The following CTNNA2 variants were observed in gnomAD, a reference collection of about 807,000 sequenced individuals.
CTNNA2 encodes catenin alpha-2.
In CTNNA2, 42 loss-of-function variants were observed where a neutral mutation model predicts 101.0. The observed-to-expected ratio is 0.42, with a 90% confidence interval of 0.32 to 0.54. The LOEUF (loss-of-function observed/expected upper bound fraction) is 0.54, where lower values mean the gene tolerates loss of function less well. Ranked by LOEUF, CTNNA2 falls within the 20% of genes least tolerant of loss-of-function variation. The probability of loss-of-function intolerance (pLI) is 0.14; values close to 1 mark genes in which losing one functional copy is unlikely to be tolerated. For missense variants in CTNNA2, 871 were observed against 1,223.1 expected, an observed-to-expected ratio of 0.71 and a Z score of 4.29; for synonymous variants, 450 against 456.4, an observed-to-expected ratio of 0.99 and a Z score of 0.18.
intron 6 of CTNNA2, among the ~76,000 whole-genome samples, chr2:79,895,616 T>G: frequency 6.6e-6 from 1 of 151,588 alleles, no homozygotes; most frequent in South Asian, 2.1e-4. Flanking sequence ...GTATTAAACT[T>G]AAAAAAAATT....
At chr2:80,068,879 T>C (rs1698149716) in intron 7 of CTNNA2, among the ~76,000 whole-genome samples, 1 of 152,146 alleles carries the variant, frequency 6.6e-6, no homozygotes, top group African/African-American at 2.4e-5. Flanking sequence ...GCGTGGTCCA[T>C]GGATGGATGA....
intron 1 of CTNNA2, among the ~76,000 whole-genome samples, chr2:79,562,114 A>T (rs1200051962): frequency 6.6e-6 from 1 of 151,746 alleles, no homozygotes; most frequent in East Asian, 1.9e-4. Context: ...TAGATTTTTG[A>T]TCAATTTTTA....
rs572261709 is a variant in CTNNA2 at position 80,472,561 on chromosome 2, C to T, written c.1290+52960C>T. Among the ~76,000 whole-genome samples, 4 of 152,282 alleles carry T rather than the reference C, an allele frequency of 2.6e-5. No individual in the cohort carries two copies. The South Asian group carries it at 8.3e-4, about 32-fold the overall frequency. On this transcript the variant is annotated intron_variant, in intron 9 of 18. Coordinates refer to ENST00000402739, the MANE Select transcript of CTNNA2 (RefSeq NM_001282597.3). Reference sequence around the variant, plus strand: ...TTTCCCAATTTAGTTTAGCTTTTGACTGAATGAAATAAAGTTTGTGTCCAT... The same window carrying T: ...TTTCCCAATTTAGTTTAGCTTTTGATTGAATGAAATAAAGTTTGTGTCCAT...
At chr2:79,467,010 G>A (rs990403936) in intron 4 of CTNNA2, among the ~76,000 whole-genome samples, 2 of 152,218 alleles carry the variant, frequency 1.3e-5, no homozygotes, top group South Asian at 4.1e-4. Flanking sequence ...GCTAACAATG[G>A]AACAAAGCTG....
intron 3 of CTNNA2, among the ~76,000 whole-genome samples, chr2:79,818,824 TATATA>T (rs1558549162): frequency 0.088 from 10,321 of 117,594 alleles, 1,316 homozygotes; most frequent in Middle Eastern, 0.16. Context: ...AATGCAATTA[TATATA>T]TATATATATA....
At chr2:80,083,692 T>C (rs1699279288) in intron 7 of CTNNA2, among the ~76,000 whole-genome samples, 3 of 152,204 alleles carry the variant, frequency 2.0e-5, no homozygotes, top group Non-Finnish European at 4.4e-5. Flanking sequence ...CTTCAATATG[T>C]GTATAATTCC....
At chr2:79,830,341 A>C (rs1678834178) in intron 3 of CTNNA2, among the ~76,000 whole-genome samples, 1 of 152,114 alleles carries the variant, frequency 6.6e-6, no homozygotes, top group Admixed American at 6.5e-5. Context: ...GGCAGGTCAA[A>C]GGGAAGTTCT....
chr2:79,695,728 A>T (rs1487370267), intron 2 of CTNNA2, among the ~76,000 whole-genome samples: 1 of 151,984 alleles, frequency 6.6e-6, no homozygotes, highest in Non-Finnish European at 1.5e-5. Context: ...GTTTCGTTTT[A>T]GCCCTTAGAG....
chr2:79,819,767 A>C (rs1285560576), intron 3 of CTNNA2, among the ~76,000 whole-genome samples: 1 of 152,174 alleles, frequency 6.6e-6, no homozygotes, highest in Non-Finnish European at 1.5e-5. Context: ...TTGATTGTAC[A>C]TATTGTATAT....
chr2:80,072,336 C>T (rs1698401059), intron 7 of CTNNA2, among the ~76,000 whole-genome samples: 1 of 151,930 alleles, frequency 6.6e-6, no homozygotes, highest in South Asian at 2.1e-4. Context: ...AGTATGTCCG[C>T]TGCCAAAAGT....
intron 1 of CTNNA2, among the ~76,000 whole-genome samples, chr2:79,552,011 A>C (rs1674134977): frequency 6.6e-6 from 1 of 152,162 alleles, no homozygotes; most frequent in African/African-American, 2.4e-5. Context: ...TATTCTTCTC[A>C]CATTTCATTC....
intron 7 of CTNNA2, among the ~76,000 whole-genome samples, chr2:80,067,328 A>C: frequency 6.6e-6 from 1 of 151,948 alleles, no homozygotes; most frequent in East Asian, 1.9e-4. Flanking sequence ...ATCATGTTTT[A>C]TATATATTTC....
chr2:79,681,238 A>G (rs921424359), intron 2 of CTNNA2, among the ~76,000 whole-genome samples: 1 of 151,950 alleles, frequency 6.6e-6, no homozygotes, highest in Non-Finnish European at 1.5e-5. Context: ...AGAGGGCACT[A>G]TTTTTCTCCT....
chr2:80,072,069 T>TA (rs1262345653), intron 7 of CTNNA2, among the ~76,000 whole-genome samples: 2 of 152,160 alleles, frequency 1.3e-5, no homozygotes, highest in African/African-American at 4.8e-5. Context: ...AGTCTATAGA[T>TA]AGACACTGAG....
intron 4 of CTNNA2, among the ~76,000 whole-genome samples, chr2:79,499,817 C>T (rs76237699): frequency 6.6e-6 from 1 of 152,204 alleles, no homozygotes; most frequent in Non-Finnish European, 1.5e-5. Flanking sequence ...TCCAGAGAAA[C>T]AGAACCAATA....
intron 2 of CTNNA2, among the ~76,000 whole-genome samples, chr2:79,303,094 A>ACAG (rs1676151415): frequency 1.3e-5 from 2 of 152,130 alleles, no homozygotes; most frequent in African/African-American, 4.8e-5. Flanking sequence ...CATTGTTGTT[A>ACAG]TTATTATTTT....
chr2:80,300,554 A>G (rs796351555), intron 7 of CTNNA2, among the ~76,000 whole-genome samples: 73 of 152,124 alleles, frequency 4.8e-4, no homozygotes, highest in African/African-American at 1.6e-3. Context: ...AGACATTTGC[A>G]TGTTGGGGGA....
At chr2:79,954,293 A>C (rs1406212943) in intron 7 of CTNNA2, among the ~76,000 whole-genome samples, 1 of 152,220 alleles carries the variant, frequency 6.6e-6, no homozygotes, top group Non-Finnish European at 1.5e-5. Context: ...GGGTGGGGAC[A>C]CAGAGACAAA....
chr2:79,655,828 CA>C (rs34282777), intron 2 of CTNNA2, among the ~76,000 whole-genome samples: 37,321 of 136,060 alleles, frequency 0.27, 5,986 homozygotes, highest in East Asian at 0.49. Flanking sequence ...GACTCCATCT[CA>C]AAAAAAAAAA....
Sources: allele counts gnomAD v4.1 joint callset (sites outside exome capture counted in the v4.1 genomes callset), GRCh38; gene constraint gnomAD v4.1.1; transcripts MANE v1.5; gene names NCBI Gene and HGNC (gene_info 2026-07-23, HGNC 2026-07-21).